RAD51C: variants seen among roughly 807,000 people sequenced by gnomAD.
RAD51C encodes the protein DNA repair protein RAD51 homolog 3.
RAD51C carries 42 observed loss-of-function variants against 45.0 expected under a neutral mutation model. That is an observed-to-expected ratio of 0.93 (90% CI 0.73 to 1.21). RAD51C has a LOEUF of 1.21. Among genes scored for constraint, RAD51C ranks in the 50% most tolerant of loss-of-function variants. RAD51C has a pLI of 0.00. For synonymous variants in RAD51C, 172 were observed against 159.8 expected (o/e 1.08, Z -0.58); for missense variants, 474 against 452.2 (o/e 1.05, Z -0.44).
chr17:58,704,664 C>T (rs2048321134), intron 4 of RAD51C, among the ~76,000 whole-genome samples: 1 of 152,070 alleles, frequency 6.6e-6, no homozygotes, highest in African/African-American at 2.4e-5. Flanking sequence ...AACCCAGTCT[C>T]TCTCCCCTAT....
rs569071236 is a variant in RAD51C at position 58,699,892 on chromosome 17, C to T, written c.571+3033C>T. On this transcript the variant is annotated intron_variant, in intron 3 of 8. Transcript: ENST00000337432. ...TGAGACAGAATCTGGCTCTACCGCC[C>T]GGGCTGGAGTGCAGTGGCGCAATCT... The T allele has an allele frequency of 7.9e-5, 12 of 152,228 alleles. No homozygotes were observed. In the East Asian group the frequency reaches 1.9e-3, roughly 24 times the overall value. 9.4% of individuals were successfully genotyped at this position (152,228 alleles called of 1,614,324 possible). A position where few individuals can be genotyped will look rare whatever the true frequency, so the allele number is the denominator to read the frequency against.
chr17:58,709,255 T>C (rs896228758), intron 4 of RAD51C, among the ~76,000 whole-genome samples: 1 of 151,850 alleles, frequency 6.6e-6, no homozygotes, highest in Non-Finnish European at 1.5e-5. Flanking sequence ...ATTTTTGTAG[T>C]TTTAGCAGAG....
Position 58,717,804 on chromosome 17 carries a change from G to A in RAD51C, c.838-2942G>A, listed in dbSNP as rs1259301616. Reference sequence around the variant, plus strand: ...CTGCTTAGCTTTTTCTAAGGTGCCCGATGAGAGGTAACAAATGGAGAATGC... The same window carrying A: ...CTGCTTAGCTTTTTCTAAGGTGCCCAATGAGAGGTAACAAATGGAGAATGC... On this transcript the variant is annotated intron_variant, in intron 5 of 8. Transcript: ENST00000337432. 2.0e-5 allele frequency among the ~76,000 whole-genome samples: 3 copies of A among 152,130 alleles called. No individual in the cohort carries two copies. In the East Asian group the frequency reaches 5.8e-4, roughly 29 times the overall value.
At chr17:58,723,311 C>T (rs1268928323) in intron 6 of RAD51C, among the ~76,000 whole-genome samples, 1 of 146,948 alleles carries the variant, frequency 6.8e-6, no homozygotes. Context: ...ACACTTAATG[C>T]TTTTTTTTTT....
intron 4 of RAD51C, among the ~76,000 whole-genome samples, chr17:58,707,250 G>A (rs2048405582): frequency 6.6e-6 from 1 of 152,144 alleles, no homozygotes; most frequent in South Asian, 2.1e-4. Flanking sequence ...CGGGCATGGT[G>A]GCTCACACCT....
chr17:58,734,166 A>G lies in RAD51C; in HGVS notation c.1075A>G (p.Thr359Ala), dbSNP rs1368752573. Residue 359 changes from threonine (T) to alanine (A), a missense_variant, in exon 9 of 9, where the codon ACA becomes GCA. Transcript: ENST00000337432. ...TVVTSACSLQ[T>A]EGSLSTRKRS... The stretch of plus-strand genomic sequence containing the variant: ...TGTTACTTCTGCATGTTCATTGCAA[A>G]CAGAAGGTTCCTTGAGCACCCGGAA... 6.2e-7 allele frequency: 1 copy of G among 1,613,650 alleles called. No individual in the cohort carries two copies. The highest frequency in any genetic ancestry group is 1.3e-5 in the African/African-American group (1 of 74,922).
chr17:58,703,933 CTTTTTTTTTTT>C (rs67254535), intron 4 of RAD51C, among the ~76,000 whole-genome samples: 5 of 66,480 alleles, frequency 7.5e-5, no homozygotes, highest in East Asian at 3.9e-4. Flanking sequence ...CATGTATCAC[CTTTTTTTTTTT>C]TTTTTTTTTT....
chr17:58,697,661 T>C (rs947072215), intron 3 of RAD51C, among the ~76,000 whole-genome samples: 1 of 151,992 alleles, frequency 6.6e-6, no homozygotes, highest in Non-Finnish European at 1.5e-5. Context: ...TGTTAAAGTG[T>C]TTGGGAGGTG....
rs542415157 is a variant in RAD51C, at chr17:58,720,727, T to A, written c.838-19T>A. Reference sequence around the variant, plus strand: ...TTTCAAAGAGACTCACCTAATTTTCTTACATTTTGTTTTTGTAGGTAATTT... The same window carrying A: ...TTTCAAAGAGACTCACCTAATTTTCATACATTTTGTTTTTGTAGGTAATTT... On this transcript the variant is annotated intron_variant, in intron 5 of 8. Transcript: ENST00000337432. 2 of 1,588,020 alleles carry A rather than the reference T, an allele frequency of 1.3e-6. No individual in the cohort carries two copies. Among genetic ancestry groups the A allele is most frequent in the South Asian group, 1.1e-5 (1 of 90,528 alleles).
Position 58,723,996 on chromosome 17 carries a change from A to G in RAD51C, c.905-44A>G, listed in dbSNP as rs755056149. ...GAGGCGTTCTGAGAAATGTATAACC[A>G]AGTCAGTAAGGCCATATACAGTTAT... is the stretch of plus-strand genomic sequence containing the variant. On this transcript the variant is annotated intron_variant, in intron 6 of 8. Transcript: ENST00000337432. 4 of 1,508,174 alleles carry G rather than the reference A, an allele frequency of 2.7e-6. No homozygotes were observed. The highest frequency in any genetic ancestry group is 2.8e-6 in the Non-Finnish European group (3 of 1,083,848). The allele number at this position is 1,508,174 out of a possible 1,614,324, so 93.4% of individuals were successfully genotyped here.
chr17:58,703,241 C>A lies in RAD51C; in HGVS notation c.617C>A (p.Ser206Tyr), dbSNP rs2048270572. 2 of 1,607,934 alleles carry A rather than the reference C, an allele frequency of 1.2e-6. No homozygotes were observed. Among genetic ancestry groups the A allele is most frequent in the Admixed American group, 3.3e-5 (2 of 59,956 alleles). Reference sequence around the variant, plus strand: ...GATTTCACTCTTGATAATATTCTTTCTCATATTTATTATTTTCGCTGTCGT... The same window carrying A: ...GATTTCACTCTTGATAATATTCTTTATCATATTTATTATTTTCGCTGTCGT... ...LEDFTLDNILSHIYYFRCRDY... is the reference protein window; with the variant it reads ...LEDFTLDNILYHIYYFRCRDY... Residue 206 changes from serine (S) to tyrosine (Y), a missense_variant, in exon 4 of 9, where the codon TCT (serine) becomes TAT (tyrosine). By Grantham distance (144) the Ser-to-Tyr change is moderately radical. Coordinates refer to ENST00000337432, the MANE Select transcript of RAD51C (RefSeq NM_058216.3).
At chr17:58,733,720 G>C (rs933183780) in intron 8 of RAD51C, among the ~76,000 whole-genome samples, 3 of 152,088 alleles carry the variant, frequency 2.0e-5, no homozygotes, top group African/African-American at 4.8e-5. Context: ...TCTATCTCAA[G>C]AACTTTCTTT....
At chr17:58,694,181 T>G (rs1056388140) in intron 1 of RAD51C, 3 of 152,198 alleles carry the variant, frequency 2.0e-5, no homozygotes, top group Non-Finnish European at 4.4e-5. Context: ...CATGAAAAGT[T>G]TTTATTATAA....
chr17:58,698,132 C>T (rs1020024106), intron 3 of RAD51C, among the ~76,000 whole-genome samples: 1 of 151,896 alleles, frequency 6.6e-6, no homozygotes, highest in African/African-American at 2.4e-5. Context: ...CTGCCTTAGC[C>T]TCCTGAGTAG....
chr17:58,718,724 C>G (rs961429024), intron 5 of RAD51C, among the ~76,000 whole-genome samples: 2 of 151,574 alleles, frequency 1.3e-5, no homozygotes, highest in African/African-American at 4.8e-5. Context: ...TTTTTTTTTC[C>G]TAGTTCATCT....
intron 2 of RAD51C, among the ~76,000 whole-genome samples, chr17:58,696,245 A>T (rs1354670829): frequency 6.6e-6 from 1 of 152,034 alleles, no homozygotes; most frequent in Non-Finnish European, 1.5e-5. Flanking sequence ...ATCCTGGCTA[A>T]CACGGTGAAA....
chr17:58,732,106 C>T lies in RAD51C; in HGVS notation c.966-378C>T, dbSNP rs181462199. Among the ~76,000 whole-genome samples, 5 of 152,046 alleles carry T rather than the reference C, an allele frequency of 3.3e-5. No homozygotes were observed. In the East Asian group the frequency reaches 7.7e-4, roughly 23 times the overall value. On this transcript the variant is annotated intron_variant, in intron 7 of 8. Transcript: ENST00000337432. ...TCTTCTATCAATTCTTTTAGATGTG[C>T]GTATACATACTTATAAATATGGGAT...
rs71143280 is a variant in RAD51C at position 58,710,317 on chromosome 17, T to TAAAA, written c.837+348_837+351dup. Among the ~76,000 whole-genome samples, 150 of 67,380 alleles carry TAAAA rather than the reference T, an allele frequency of 2.2e-3. 1 individual carries two copies. The highest frequency in any genetic ancestry group is 8.3e-3 in the African/African-American group (133 of 16,004). The allele number at this position is 67,380 out of a possible 152,430, so 44.2% of individuals were successfully genotyped here. The stretch of plus-strand genomic sequence containing the variant: ...CAACATGGTGAAACCCTGTCTCTAC[T>TAAAA]AAAAAAAAAAAAAAAAAAAAAAAAC... On this transcript the variant is annotated intron_variant, in intron 5 of 8. Transcript: ENST00000337432.
In RAD51C at chr17:58,734,159, A is replaced by C. The variant is rs865988490; in HGVS notation, c.1068A>C (p.Ser356=). The change falls in exon 9 of 9, where the codon TCA becomes TCC. Residue 356 remains serine, a synonymous_variant. Coordinates refer to ENST00000337432, the MANE Select transcript of RAD51C (RefSeq NM_058216.3). The stretch of plus-strand genomic sequence containing the variant: ...ATACTGTTGTTACTTCTGCATGTTC[A>C]TTGCAAACAGAAGGTTCCTTGAGCA... ...FRDTVVTSAC[S]LQTEGSLSTR... 6.2e-7 allele frequency: 1 copy of C among 1,613,760 alleles called. No individual in the cohort carries two copies. Among genetic ancestry groups the C allele is most frequent in the Non-Finnish European group, 8.5e-7 (1 of 1,179,834 alleles).
Sources: allele counts gnomAD v4.1 joint callset (sites outside exome capture counted in the v4.1 genomes callset), GRCh38; gene constraint gnomAD v4.1.1; transcripts MANE v1.5; gene names NCBI Gene and HGNC (gene_info 2026-07-23, HGNC 2026-07-21).